NCKAP5: variants seen among roughly 807,000 people sequenced by gnomAD.
The protein encoded by NCKAP5 is NCK associated protein 5.
A neutral mutation model predicts 167.0 loss-of-function variants in NCKAP5; 92 were observed. The ratio of observed to expected loss-of-function variants is 0.55; its 90% CI spans 0.47 to 0.66. The LOEUF (loss-of-function observed/expected upper bound fraction) is 0.66, where lower values mean the gene tolerates loss of function less well. Ranked by LOEUF, NCKAP5 falls within the 30% of genes least tolerant of loss-of-function variation. NCKAP5 has a pLI of 0.00. For synonymous variants in NCKAP5, 891 were observed against 877.4 expected (o/e 1.02, Z -0.27); for missense variants, 2,378 against 2,315.0 (o/e 1.03, Z -0.56).
the NCKAP5 span, among the ~76,000 whole-genome samples, chr2:133,587,115 T>C: frequency 4.6e-5 from 7 of 152,154 alleles, no homozygotes; most frequent in Admixed American, 6.5e-5. Context: ...TTTCCCTTCA[T>C]AAAGCAAAAG....
intron 4 of NCKAP5, among the ~76,000 whole-genome samples, chr2:133,260,682 G>A (rs1237032710): frequency 6.6e-6 from 1 of 152,182 alleles, no homozygotes; most frequent in Non-Finnish European, 1.5e-5. Context: ...CCCTCGGACG[G>A]AGGTAAAAAG....
chr2:132,834,352 T>C (rs917062093), intron 11 of NCKAP5, among the ~76,000 whole-genome samples: 1 of 151,938 alleles, frequency 6.6e-6, no homozygotes, highest in African/African-American at 2.4e-5. Flanking sequence ...TCTCTTTGTT[T>C]GTTTGTTTTT....
chr2:133,590,465 A>C, the NCKAP5 span, among the ~76,000 whole-genome samples: 1 of 147,262 alleles, frequency 6.8e-6, no homozygotes, highest in East Asian at 2.0e-4. Context: ...CAGAGCTTGC[A>C]GTGAGCCGAG....
At chr2:132,872,691 G>A (rs1341163108) in intron 9 of NCKAP5, among the ~76,000 whole-genome samples, 2 of 152,240 alleles carry the variant, frequency 1.3e-5, no homozygotes, top group South Asian at 4.1e-4. Context: ...ATTTCACCAT[G>A]AAAAGCCACT....
intron 5 of NCKAP5, among the ~76,000 whole-genome samples, chr2:133,138,704 A>G (rs373961935): frequency 6.6e-5 from 10 of 152,188 alleles, no homozygotes; most frequent in East Asian, 5.8e-4. Flanking sequence ...CTTGGCCTCC[A>G]TTTTAAATAT....
intron 5 of NCKAP5, among the ~76,000 whole-genome samples, chr2:133,185,300 A>C (rs1253886605): frequency 6.6e-6 from 1 of 151,914 alleles, no homozygotes; most frequent in African/African-American, 2.4e-5. Flanking sequence ...AGTGTTTTCT[A>C]TTCTTTCTCA....
chr2:132,825,462 A>T (rs1486087019), intron 11 of NCKAP5, among the ~76,000 whole-genome samples: 1 of 152,176 alleles, frequency 6.6e-6, no homozygotes, highest in Non-Finnish European at 1.5e-5. Context: ...CTTCAGTTAC[A>T]CTGAGTGTCT....
intron 6 of NCKAP5, among the ~76,000 whole-genome samples, chr2:133,036,307 T>C (rs2079039712): frequency 6.6e-6 from 1 of 152,030 alleles, no homozygotes; most frequent in Non-Finnish European, 1.5e-5. Flanking sequence ...GAGGGATTAC[T>C]TCCAAACTCA....
intron 5 of NCKAP5, among the ~76,000 whole-genome samples, chr2:133,163,657 G>A (rs1054455338): frequency 4.6e-5 from 7 of 152,168 alleles, no homozygotes; most frequent in Admixed American, 6.5e-5. Flanking sequence ...CTACCTATGC[G>A]TTCTTGTAAA....
chr2:133,609,871 CA>C, the NCKAP5 span, among the ~76,000 whole-genome samples: 11 of 152,144 alleles, frequency 7.2e-5, no homozygotes, highest in African/African-American at 2.4e-4. Context: ...TCATAATAAA[CA>C]GCAATAATAA....
At chr2:133,558,321 G>A (rs915846155) in intron 2 of NCKAP5, 2 of 152,208 alleles carry the variant, frequency 1.3e-5, no homozygotes, top group Admixed American at 6.6e-5. Context: ...GGAGGAGGAC[G>A]AGCAGTAGAG....
At chr2:133,105,318 CT>C (rs1160812964) in intron 6 of NCKAP5, among the ~76,000 whole-genome samples, 5 of 152,178 alleles carry the variant, frequency 3.3e-5, no homozygotes, top group Non-Finnish European at 7.4e-5. Context: ...AGGGACATTA[CT>C]TTTTTGTTTA....
chr2:133,662,214 A>AT, the NCKAP5 span, among the ~76,000 whole-genome samples: 8 of 152,148 alleles, frequency 5.3e-5, no homozygotes, highest in Non-Finnish European at 8.8e-5. Context: ...ATTACTTTGC[A>AT]TGGGTTGATG....
chr2:133,132,039 C>A (rs1284135847), intron 5 of NCKAP5, among the ~76,000 whole-genome samples: 1 of 152,108 alleles, frequency 6.6e-6, no homozygotes, highest in African/African-American at 2.4e-5. Context: ...CCTGTAATCC[C>A]AGCACTTTGG....
intron 5 of NCKAP5, among the ~76,000 whole-genome samples, chr2:133,153,644 A>G (rs1352899968): frequency 6.6e-6 from 1 of 151,938 alleles, no homozygotes; most frequent in African/African-American, 2.4e-5. Flanking sequence ...GCCCTCACCC[A>G]TCAATCCAGC....
At chr2:132,949,820 G>A (rs759977726) in intron 8 of NCKAP5, among the ~76,000 whole-genome samples, 4 of 152,196 alleles carry the variant, frequency 2.6e-5, no homozygotes, top group East Asian at 1.9e-4. Context: ...TAGGCTGGGC[G>A]CAGTCACTCA....
chr2:132,784,157 A>G lies in NCKAP5; in HGVS notation c.2654T>C (p.Val885Ala). The change falls in exon 14 of 20, where the codon GTC (valine) becomes GCC (alanine). Residue 885 changes from valine to alanine, a missense_variant. Coordinates refer to ENST00000409261, the MANE Select transcript of NCKAP5 (RefSeq NM_207363.3). Reference sequence around the variant, plus strand: ...TGGAGTCTGACTCTTGGGGCACTGGACCCAGTCCCTCCTGCTGGGCATCCT... The same window carrying G: ...TGGAGTCTGACTCTTGGGGCACTGGGCCCAGTCCCTCCTGCTGGGCATCCT... ...SSRMPSRRDW[V>A]QCPKSQTPGS... The G allele has an allele frequency of 6.5e-7, 1 of 1,533,304 alleles. No individual in the cohort carries two copies. Among genetic ancestry groups the G allele is most frequent in the Non-Finnish European group, 8.7e-7 (1 of 1,143,060 alleles). The allele number at this position is 1,533,304 out of a possible 1,614,324, so 95.0% of individuals were successfully genotyped here.
chr2:132,752,674 C>A (rs879026252), intron 16 of NCKAP5, among the ~76,000 whole-genome samples: 1 of 152,128 alleles, frequency 6.6e-6, no homozygotes, highest in Non-Finnish European at 1.5e-5. Flanking sequence ...TATGCCATTG[C>A]GTAAGTCAGG....
intron 4 of NCKAP5, among the ~76,000 whole-genome samples, chr2:133,231,957 A>G (rs1489038763): frequency 6.6e-6 from 1 of 152,228 alleles, no homozygotes; most frequent in Non-Finnish European, 1.5e-5. Flanking sequence ...AGCAAAAATC[A>G]CTTCGCATGT....
Sources: gnomAD v4.1 joint callset for allele counts (sites outside exome capture counted in the v4.1 genomes callset) on GRCh38, gnomAD v4.1.1 for gene constraint, MANE v1.5 for transcripts, NCBI Gene and HGNC (gene_info 2026-07-23, HGNC 2026-07-21) for gene names.